The following ELL variants were observed in gnomAD, a reference collection of about 807,000 sequenced individuals.
The protein encoded by ELL is elongation factor for RNA polymerase II, also known as RNA polymerase II elongation factor ELL.
In ELL, 18 loss-of-function variants were observed where a neutral mutation model predicts 64.0. That is an observed-to-expected ratio of 0.28 (90% CI 0.19 to 0.42). ELL has a LOEUF of 0.42. Ranked by LOEUF, ELL falls within the 10% of genes least tolerant of loss-of-function variation. The probability of loss-of-function intolerance (pLI) is 1.00; values close to 1 mark genes in which losing one functional copy is unlikely to be tolerated. For missense variants in ELL, 797 were observed against 870.4 expected, an observed-to-expected ratio of 0.92 and a Z score of 1.06; for synonymous variants, 399 against 376.2, an observed-to-expected ratio of 1.06 and a Z score of -0.70.
chr19:18,475,012 T>C (rs1975147508), intron 1 of ELL, among the ~76,000 whole-genome samples: 1 of 152,118 alleles, frequency 6.6e-6, no homozygotes, highest in Non-Finnish European at 1.5e-5. Context: ...TAATCCCAAC[T>C]ACTTGGGAGG....
intron 1 of ELL, among the ~76,000 whole-genome samples, chr19:18,489,590 C>T (rs1430595574): frequency 6.6e-6 from 1 of 152,206 alleles, no homozygotes; most frequent in East Asian, 1.9e-4. Flanking sequence ...TCCCTGCACA[C>T]CCCAGCTGCC....
At chr19:18,502,675 C>T (rs935537346) in intron 1 of ELL, among the ~76,000 whole-genome samples, 2 of 152,198 alleles carry the variant, frequency 1.3e-5, no homozygotes, top group African/African-American at 4.8e-5. Flanking sequence ...AGAGAGGGCC[C>T]AATGACAACG....
At chr19:18,474,329 A>C (rs1180799043) in intron 1 of ELL, among the ~76,000 whole-genome samples, 2 of 152,228 alleles carry the variant, frequency 1.3e-5, no homozygotes, top group Non-Finnish European at 2.9e-5. Context: ...CATAGTGCCC[A>C]GAGTGGGAGG....
At chr19:18,451,167 G>A (rs1974525036) in intron 7 of ELL, among the ~76,000 whole-genome samples, 192 bp from the exon 8 acceptor site, 1 of 152,212 alleles carries the variant, frequency 6.6e-6, no homozygotes, top group Admixed American at 6.5e-5. Flanking sequence ...CAGCCTGCTG[G>A]GATCGATGCA....
chr19:18,477,071 C>T (rs771459158), intron 1 of ELL, among the ~76,000 whole-genome samples: 15 of 152,110 alleles, frequency 9.9e-5, no homozygotes, highest in Non-Finnish European at 1.3e-4. Flanking sequence ...ACAGAGATGC[C>T]GACTGAACAG....
At chr19:18,517,228 C>T (rs959792549) in intron 1 of ELL, among the ~76,000 whole-genome samples, 1 of 152,042 alleles carries the variant, frequency 6.6e-6, no homozygotes, top group Non-Finnish European at 1.5e-5. Context: ...CCGGGAGATC[C>T]ACAAGAACAG....
At chr19:18,496,648 T>G (rs1166176413) in intron 1 of ELL, among the ~76,000 whole-genome samples, 1 of 152,202 alleles carries the variant, frequency 6.6e-6, no homozygotes, top group Non-Finnish European at 1.5e-5. Context: ...CCTTCCCCAG[T>G]GTCCCCTGCC....
chr19:18,511,250 G>A (rs957547393), intron 1 of ELL, among the ~76,000 whole-genome samples: 1 of 150,398 alleles, frequency 6.6e-6, no homozygotes, highest in Non-Finnish European at 1.5e-5. Context: ...CTGGGTGACA[G>A]AGCGAAACTC....
chr19:18,469,674 C>G (rs148898300), intron 2 of ELL, among the ~76,000 whole-genome samples: 1 of 152,350 alleles, frequency 6.6e-6, no homozygotes, highest in Non-Finnish European at 1.5e-5. Context: ...CTCACAGACA[C>G]AGAGCCCAGG....
At chr19:18,483,286 T>A (rs1035201739) in intron 1 of ELL, among the ~76,000 whole-genome samples, 1 of 152,170 alleles carries the variant, frequency 6.6e-6, no homozygotes, top group Non-Finnish European at 1.5e-5. Context: ...ATTCCCCGGA[T>A]GCCACCGCCC....
chr19:18,473,321 T>C (rs1399343446), intron 1 of ELL: 1 of 416,212 alleles, frequency 2.4e-6, no homozygotes, highest in Non-Finnish European at 4.9e-6. Context: ...CAAGGACCCA[T>C]ACAGGCAAAA....
At chr19:18,477,639 C>T (rs1220150094) in intron 1 of ELL, among the ~76,000 whole-genome samples, 2 of 152,132 alleles carry the variant, frequency 1.3e-5, no homozygotes, top group Non-Finnish European at 2.9e-5. Flanking sequence ...GGGAGAAACA[C>T]CGCCAGACCA....
intron 1 of ELL, among the ~76,000 whole-genome samples, chr19:18,477,318 G>A (rs1027652337): frequency 2.0e-5 from 3 of 152,188 alleles, no homozygotes; most frequent in Admixed American, 6.5e-5. Flanking sequence ...CCCACAGTAA[G>A]AAGCCTACAG....
rs370735358 is a variant in ELL at position 18,462,335 on chromosome 19, C to CTGTG, written c.470-487_470-484dup. Among the ~76,000 whole-genome samples, 29 of 64,994 alleles carry CTGTG rather than the reference C, an allele frequency of 4.5e-4. 2 individuals are homozygous for CTGTG. Among genetic ancestry groups the CTGTG allele is most frequent in the African/African-American group, 1.7e-3 (16 of 9,418 alleles). The allele number at this position is 64,994 out of a possible 152,430, so 42.6% of individuals were successfully genotyped here. A position where few individuals can be genotyped will look rare whatever the true frequency, so the allele number is the denominator to read the frequency against. ...GAAATCACCTGATCACTCTAGTGGG[C>CTGTG]TGTGTGTGTGTGTGTGTGTGTGTGT... is the stretch of plus-strand genomic sequence containing the variant. On this transcript the variant is annotated intron_variant, in intron 4 of 11. Transcript: ENST00000262809.
chr19:18,486,875 C>T (rs1174337223), intron 1 of ELL, among the ~76,000 whole-genome samples: 1 of 152,150 alleles, frequency 6.6e-6, no homozygotes, highest in Non-Finnish European at 1.5e-5. Context: ...TGGGAGCTGC[C>T]ACATCTGGAC....
intron 1 of ELL, among the ~76,000 whole-genome samples, chr19:18,511,817 G>A (rs944650236): frequency 5.9e-5 from 9 of 151,270 alleles, no homozygotes; most frequent in Admixed American, 3.3e-4. Context: ...CCAGGAGTTC[G>A]AGACCAGCCT....
At chr19:18,499,128 C>G (rs1975727431) in intron 1 of ELL, among the ~76,000 whole-genome samples, 1 of 152,202 alleles carries the variant, frequency 6.6e-6, no homozygotes, top group African/African-American at 2.4e-5. Flanking sequence ...TCAACGACCT[C>G]TCCTAGCTGG....
intron 1 of ELL, among the ~76,000 whole-genome samples, chr19:18,474,276 T>C (rs1346721042): frequency 2.0e-5 from 3 of 152,254 alleles, no homozygotes; most frequent in Non-Finnish European, 4.4e-5. Flanking sequence ...GCCATGGGTC[T>C]GCTTGGCCAG....
At chr19:18,458,147 A>T in intron 6 of ELL, 58 bp downstream of exon 6, 1 of 1,591,340 alleles carries the variant, frequency 6.3e-7, no homozygotes, top group South Asian at 1.1e-5. Flanking sequence ...TCCTCTGGGT[A>T]AGCTCTGGCT....
Sources: gnomAD v4.1 joint callset for allele counts (sites outside exome capture counted in the v4.1 genomes callset) on GRCh38, gnomAD v4.1.1 for gene constraint, MANE v1.5 for transcripts, NCBI Gene and HGNC (gene_info 2026-07-23, HGNC 2026-07-21) for gene names.